The following PGCKA1 variants were observed in gnomAD, a reference collection of about 807,000 sequenced individuals.
PGCKA1 encodes the protein PDCD10 and GCKIII kinases associated 1.
chr4:37,472,960 A>C, the PGCKA1 span, among the ~76,000 whole-genome samples: 1 of 152,208 alleles, frequency 6.6e-6, no homozygotes, highest in Non-Finnish European at 1.5e-5. Flanking sequence ...ATTCAGGTCA[A>C]CTGGCAAGGT....
the PGCKA1 span, among the ~76,000 whole-genome samples, chr4:37,570,293 C>T: frequency 5.9e-5 from 9 of 151,414 alleles, no homozygotes; most frequent in South Asian, 2.1e-4. Context: ...CCACCGCGCC[C>T]GGCTGTCTGC....
chr4:37,554,570 A>C, the PGCKA1 span, among the ~76,000 whole-genome samples: 1 of 152,114 alleles, frequency 6.6e-6, no homozygotes, highest in African/African-American at 2.4e-5. Context: ...CTAGTCTCGA[A>C]CTTCTGACCT....
the PGCKA1 span, among the ~76,000 whole-genome samples, chr4:37,462,659 T>A: frequency 7.9e-4 from 120 of 152,286 alleles, no homozygotes; most frequent in East Asian, 3.5e-3. Context: ...ATGTGAGCAA[T>A]TTTGCCGTCC....
the PGCKA1 span, among the ~76,000 whole-genome samples, chr4:37,542,363 T>A: frequency 1.3e-5 from 2 of 152,172 alleles, no homozygotes; most frequent in Non-Finnish European, 1.5e-5. Flanking sequence ...CAGGGGTGGC[T>A]CCACTTGAAA....
At chr4:37,541,996 C>T in the PGCKA1 span, among the ~76,000 whole-genome samples, 1 of 152,166 alleles carries the variant, frequency 6.6e-6, no homozygotes, top group Non-Finnish European at 1.5e-5. Flanking sequence ...CTTACCCTCC[C>T]CTTAATAACC....
the PGCKA1 span, among the ~76,000 whole-genome samples, chr4:37,559,683 C>T: frequency 2.6e-4 from 39 of 152,234 alleles, no homozygotes; most frequent in African/African-American, 6.7e-4. Context: ...GACTAGTCCT[C>T]GAGATGATTC....
At chr4:37,561,362 G>A in the PGCKA1 span, among the ~76,000 whole-genome samples, 1 of 152,176 alleles carries the variant, frequency 6.6e-6, no homozygotes, top group African/African-American at 2.4e-5. Flanking sequence ...GTCAAAAAAT[G>A]AATTAAATAA....
At chr4:37,570,542 T>C in the PGCKA1 span, among the ~76,000 whole-genome samples, 3 of 152,220 alleles carry the variant, frequency 2.0e-5, no homozygotes, top group African/African-American at 7.2e-5. Flanking sequence ...TAGTTTCTTC[T>C]ATAAAGGCAG....
the PGCKA1 span, among the ~76,000 whole-genome samples, chr4:37,537,014 A>G: frequency 6.6e-6 from 1 of 152,220 alleles, no homozygotes; most frequent in East Asian, 1.9e-4. Flanking sequence ...CTTGCCTGCC[A>G]TAAGAAAAGA....
At chr4:37,480,663 C>T in the PGCKA1 span, among the ~76,000 whole-genome samples, 5 of 152,264 alleles carry the variant, frequency 3.3e-5, no homozygotes, top group South Asian at 1.0e-3. Context: ...TGGAATCTCT[C>T]TGGGTGGAGG....
the PGCKA1 span, among the ~76,000 whole-genome samples, chr4:37,483,334 G>A: frequency 2.6e-5 from 4 of 152,138 alleles, no homozygotes; most frequent in African/African-American, 9.7e-5. Flanking sequence ...TTAGCAGCGT[G>A]ACAATGGACT....
the PGCKA1 span, chr4:37,558,187 A>G: frequency 6.6e-6 from 1 of 152,216 alleles, no homozygotes; most frequent in African/African-American, 2.4e-5. Flanking sequence ...CTAAAACCTT[A>G]AAGCCAGTAG....
the PGCKA1 span, among the ~76,000 whole-genome samples, chr4:37,545,075 C>T: frequency 3.3e-5 from 5 of 151,988 alleles, no homozygotes; most frequent in African/African-American, 1.2e-4. Context: ...TGGCTGGTCT[C>T]GAACTCCTGA....
At chr4:37,537,955 CAT>C in the PGCKA1 span, among the ~76,000 whole-genome samples, 12 of 152,114 alleles carry the variant, frequency 7.9e-5, no homozygotes, top group African/African-American at 2.9e-4. Context: ...GTATCAAACA[CAT>C]AGTGAATGCT....
At chr4:37,510,938 C>T in the PGCKA1 span, among the ~76,000 whole-genome samples, 13 of 151,906 alleles carry the variant, frequency 8.6e-5, no homozygotes, top group East Asian at 2.0e-3. Flanking sequence ...CATTCCCCTT[C>T]TTCCCTCCCC....
At chr4:37,565,304 G>T in the PGCKA1 span, among the ~76,000 whole-genome samples, 2 of 152,064 alleles carry the variant, frequency 1.3e-5, no homozygotes, top group African/African-American at 2.4e-5. Context: ...CAAAACCTTC[G>T]CATGGGGCCA....
chr4:37,455,327 A>C, the PGCKA1 span, among the ~76,000 whole-genome samples: 3 of 152,232 alleles, frequency 2.0e-5, no homozygotes, highest in Admixed American at 2.0e-4. Flanking sequence ...AACAAGGTAC[A>C]TAATTGAAAC....
chr4:37,530,521 C>A, the PGCKA1 span, among the ~76,000 whole-genome samples: 1 of 139,090 alleles, frequency 7.2e-6, no homozygotes, highest in South Asian at 2.2e-4. Flanking sequence ...TTGCAGTGAG[C>A]TGAGATCATG....
chr4:37,576,827 GA>G, the PGCKA1 span, among the ~76,000 whole-genome samples: 1,998 of 152,134 alleles, frequency 0.013, 106 homozygotes, highest in South Asian at 0.13. Flanking sequence ...AGCATCAGTT[GA>G]AATGATCATA....
Sources: gnomAD v4.1 joint callset for allele counts (sites outside exome capture counted in the v4.1 genomes callset) on GRCh38, gnomAD v4.1.1 for gene constraint, MANE v1.5 for transcripts, NCBI Gene and HGNC (gene_info 2026-07-23, HGNC 2026-07-21) for gene names.